Variants in ADAMTSL4 observed in about 807,000 individuals in gnomAD.
The protein encoded by ADAMTSL4 is ADAMTS-like protein 4.
ADAMTSL4 carries 97 observed loss-of-function variants against 122.8 expected under a neutral mutation model. The observed-to-expected ratio is 0.79, with a 90% CI of 0.67 to 0.93. The LOEUF is 0.93. ADAMTSL4 is among the 40% of genes least tolerant of loss of function. The pLI is 0.00. For synonymous variants in ADAMTSL4, 592 were observed against 568.0 expected (o/e 1.04, Z -0.60); for missense variants, 1,408 against 1,453.5 (o/e 0.97, Z 0.51).
Position 150,557,423 on chromosome 1 carries a change from C to A in ADAMTSL4, c.2048-71C>A. The A allele has an allele frequency of 1.9e-6, 3 of 1,609,790 alleles. No individual in the cohort carries two copies. In the Admixed American group the frequency reaches 5.0e-5, roughly 27 times the overall value. On this transcript the variant is annotated intron_variant, in intron 12 of 18. Transcript: ENST00000271643. ...CCTGGATTGTGGGGCCACGCCCGAC[C>A]CTGCGTCTGGGACACCACTGAGCTT...
In ADAMTSL4 at chr1:150,557,017, AC is replaced by A. The variant is rs1219204735; in HGVS notation, c.1832del (p.Pro611GlnfsTer13). The A allele has an allele frequency of 2.5e-6, 4 of 1,613,448 alleles. No individual in the cohort carries two copies. The highest frequency in any genetic ancestry group is 3.4e-6 in the Non-Finnish European group (4 of 1,179,870). On this transcript the variant is annotated frameshift_variant, in exon 11 of 19. Transcript: ENST00000271643. LOFTEE classifies it high-confidence loss of function. The stretch of plus-strand genomic sequence containing the variant: ...ACCTCCTCCAATCCTTGAGAACCCC[AC>A]CCCAGAGCCCCCTGTCCCCCAGCTT... ...SSPPPILENP[T>X]PEPPVPQLQP...
Position 150,558,610 on chromosome 1 carries a change from C to T in ADAMTSL4, c.2520C>T (p.Pro840=). 7 of 1,613,868 alleles carry T rather than the reference C, an allele frequency of 4.3e-6. No individual in the cohort carries two copies. The South Asian group carries it at 5.5e-5, about 13-fold the overall frequency. ...GCAGAGAGGCCTGTGACATGGGGCC[C>T]TGTACTACTGCCTGGTTCCACAGCG... ...PPSREACDMG[P]CTTAWFHSDW... The change falls in exon 15 of 19, where the codon CCC becomes CCT. Residue 840 remains proline, a synonymous_variant. Coordinates refer to ENST00000271643, the MANE Select transcript of ADAMTSL4 (RefSeq NM_019032.6).
Position 150,559,234 on chromosome 1 carries a change from G to A in ADAMTSL4, c.2764-53G>A. ...CAGTGGGATTCCTTGTGGGCACTTG[G>A]GGTGCTCTCTGTCCTCCCCTCCCCT... On this transcript the variant is annotated intron_variant, in intron 16 of 18. Transcript: ENST00000271643. This position sits in a 1 kb window ranked among gnomAD's most constrained non-coding sequence, Gnocchi z 4.1. The A allele has an allele frequency of 1.2e-6, 2 of 1,612,636 alleles. No homozygotes were observed. Among genetic ancestry groups the A allele is most frequent in the Non-Finnish European group, 1.7e-6 (2 of 1,179,398 alleles).
Position 150,556,299 on chromosome 1 carries a change from C to T in ADAMTSL4, c.1509C>T (p.Ile503=), listed in dbSNP as rs757795705. Reference sequence around the variant, plus strand: ...GGGGCCCCCTGGGCTATCAGAAGATCTTGTGGATTCCAGCGGGAGCCTTGC... The same window carrying T: ...GGGGCCCCCTGGGCTATCAGAAGATTTTGTGGATTCCAGCGGGAGCCTTGC... ...DRGGPLGYQK[I]LWIPAGALRL... The change falls in exon 9 of 19, where the codon ATC becomes ATT. Residue 503 remains isoleucine (I), a synonymous_variant. Transcript: ENST00000271643. This position sits in a 1 kb window ranked among gnomAD's most constrained non-coding sequence, Gnocchi z 4.1. 6.8e-6 allele frequency: 11 copies of T among 1,614,146 alleles called. 1 individual carries two copies. In the South Asian group the frequency reaches 1.1e-4, roughly 16 times the overall value.
In ADAMTSL4 at chr1:150,554,990, CTTTTTTT is replaced by C. The variant is rs771126937; in HGVS notation, c.1235-430_1235-424del. 7.1e-6 allele frequency among the ~76,000 whole-genome samples: 1 copy of C among 140,498 alleles called. No homozygotes were observed. The highest frequency in any genetic ancestry group is 1.6e-5 in the Non-Finnish European group (1 of 64,406). The allele number at this position is 140,498 out of a possible 152,430, so 92.2% of individuals were successfully genotyped here. A position where few individuals can be genotyped will look rare whatever the true frequency, so the allele number is the denominator to read the frequency against. ...CGGTGACCTCAACTGACCTGACCAC[CTTTTTTT>C]TTTTTTTTCTGAGACAGAGTCTCAC... On this transcript the variant is annotated intron_variant, in intron 7 of 18. Transcript: ENST00000271643. The surrounding 1 kb of genome is among the most constrained non-coding windows in gnomAD (Gnocchi z 4.0).
Position 150,555,577 on chromosome 1 carries a change from CAG to C in ADAMTSL4, c.1371+13_1371+14del, listed in dbSNP as rs1491339246. 9 of 1,611,964 alleles carry C rather than the reference CAG, an allele frequency of 5.6e-6. No individual in the cohort carries two copies. The highest frequency in any genetic ancestry group is 7.6e-6 in the Non-Finnish European group (9 of 1,179,758). On this transcript the variant is annotated intron_variant, in intron 8 of 18. Transcript: ENST00000271643. ...CTGGACGCTGTCTGGTGAGGGAAGA[CAG>C]TGTGTGTGTGCACACACACATGCAT...
At chr1:150,553,275 G>A in intron 5 of ADAMTSL4, 22 bp downstream of exon 5, 1 of 1,610,866 alleles carries the variant, frequency 6.2e-7, no homozygotes. Context: ...GGGTGGAAGA[G>A]GTGGGCCTTG....
intron 13 of ADAMTSL4, 105 bp downstream of exon 13, chr1:150,557,728 CAG>C: frequency 2.1e-6 from 3 of 1,398,568 alleles, no homozygotes; most frequent in East Asian, 2.5e-5. Context: ...CTCCTGGCTG[CAG>C]AGAGACAACA....
rs1183120397 is a variant in ADAMTSL4 at position 150,556,271 on chromosome 1, G to A, written c.1481G>A (p.Arg494Gln). 4 of 1,614,032 alleles carry A rather than the reference G, an allele frequency of 2.5e-6. No homozygotes were observed. The highest frequency in any genetic ancestry group is 2.2e-5 in the East Asian group (1 of 44,892). ...CRLVSGNLTD[R>Q]GGPLGYQKIL... Reference sequence around the variant, plus strand: ...CTTGTTTCGGGGAACCTCACTGACCGAGGGGGCCCCCTGGGCTATCAGAAG... The same window carrying A: ...CTTGTTTCGGGGAACCTCACTGACCAAGGGGGCCCCCTGGGCTATCAGAAG... The change falls in exon 9 of 19, where the codon CGA becomes CAA. Residue 494 changes from arginine (R) to glutamine (Q), a missense_variant. Arg to Gln is a conservative substitution (Grantham distance 43). Coordinates refer to ENST00000271643, the MANE Select transcript of ADAMTSL4 (RefSeq NM_019032.6). This position sits in a 1 kb window ranked among gnomAD's most constrained non-coding sequence, Gnocchi z 4.1.
In ADAMTSL4 at chr1:150,556,421, C is replaced by T; in HGVS notation, c.1576+55C>T. 2 of 1,605,658 alleles carry T rather than the reference C, an allele frequency of 1.2e-6. No individual in the cohort carries two copies. The highest frequency in any genetic ancestry group is 1.7e-6 in the Non-Finnish European group (2 of 1,174,780). Reference sequence around the variant, plus strand: ...TCCGTCTCTGTTCGGCCCTCCATACCCCTACTCAGAGCAGTGAGCAAGCCA... The same window carrying T: ...TCCGTCTCTGTTCGGCCCTCCATACTCCTACTCAGAGCAGTGAGCAAGCCA... On this transcript the variant is annotated intron_variant, in intron 9 of 18. Transcript: ENST00000271643. This position sits in a 1 kb window ranked among gnomAD's most constrained non-coding sequence, Gnocchi z 4.1.
rs1029739052 is a variant in ADAMTSL4 at position 150,557,510 on chromosome 1, T to C, written c.2064T>C (p.Ile688=). ...ASCGKGVWRP[I]FLCISRESGE... is the part of the protein sequence containing the mutation. ...CCCACTCAGGTGTCTGGCGCCCCAT[T>C]TTCCTCTGCATCTCCCGTGAGTCGG... The change falls in exon 13 of 19, where the codon ATT becomes ATC. Residue 688 remains isoleucine, a synonymous_variant. Transcript: ENST00000271643. 6.2e-7 allele frequency: 1 copy of C among 1,612,984 alleles called. No homozygotes were observed. Among genetic ancestry groups the C allele is most frequent in the Admixed American group, 1.7e-5 (1 of 59,992 alleles).
intron 14 of ADAMTSL4, 136 bp from the exon 15 acceptor site, chr1:150,558,337 C>T: frequency 7.8e-6 from 12 of 1,530,174 alleles, no homozygotes; most frequent in Non-Finnish European, 1.1e-5. Flanking sequence ...AGGGCTCAGC[C>T]TCCTCCTCAG....
intron 7 of ADAMTSL4, 63 bp from the exon 8 acceptor site, chr1:150,555,366 G>A: frequency 6.2e-7 from 1 of 1,606,080 alleles, no homozygotes; most frequent in African/African-American, 1.3e-5. Flanking sequence ...CCCCCTCTGG[G>A]GCCTCTCTCA....
At chr1:150,550,264 G>A (rs1671257958) in intron 2 of ADAMTSL4, 1 of 455,308 alleles carries the variant, frequency 2.2e-6, no homozygotes, top group Non-Finnish European at 4.4e-6. Context: ...CCAAATGAGG[G>A]ACATGGAAAG....
rs1342460585 is a variant in ADAMTSL4 at position 150,554,656 on chromosome 1, C to T, written c.1234+189C>T. The T allele has an allele frequency of 1.4e-5, 22 of 1,536,610 alleles. No individual in the cohort carries two copies. The highest frequency in any genetic ancestry group is 4.1e-5 in the African/African-American group (3 of 72,890). Reference sequence around the variant, plus strand: ...GGTGGTGAGTGGTCTGCAGAAGGGTCGGGGTGGGAGGAGGAGGTGTGGGAG... The same window carrying T: ...GGTGGTGAGTGGTCTGCAGAAGGGTTGGGGTGGGAGGAGGAGGTGTGGGAG... On this transcript the variant is annotated intron_variant, in intron 7 of 18. Coordinates refer to ENST00000271643, the MANE Select transcript of ADAMTSL4 (RefSeq NM_019032.6). This position sits in a 1 kb window ranked among gnomAD's most constrained non-coding sequence, Gnocchi z 4.0.
In ADAMTSL4 at chr1:150,558,997, C is replaced by G; in HGVS notation, c.2595C>G (p.Arg865=). The part of the protein sequence containing the change: ...SAECGTGIQR[R]SVVCLGSGAA... ...AGTGTGGGACGGGAATCCAGCGGCG[C>G]TCTGTGGTCTGCCTTGGGAGTGGGG... The change falls in exon 16 of 19, where the codon CGC becomes CGG. Residue 865 remains arginine, a synonymous_variant. Transcript: ENST00000271643. The G allele has an allele frequency of 6.2e-7, 1 of 1,611,408 alleles. No homozygotes were observed. The highest frequency in any genetic ancestry group is 8.5e-7 in the Non-Finnish European group (1 of 1,179,674).
chr1:150,560,576 G>T lies in ADAMTSL4; in HGVS notation c.*380G>T. The T allele has an allele frequency of 3.5e-6, 1 of 281,776 alleles. No individual in the cohort carries two copies. Among genetic ancestry groups the T allele is most frequent in the Non-Finnish European group, 7.0e-6 (1 of 143,856 alleles). 17.5% of individuals were successfully genotyped at this position (281,776 alleles called of 1,614,324 possible). A position where few individuals can be genotyped will look rare whatever the true frequency, so the allele number is the denominator to read the frequency against. ...TGCTAATCTGAGCTACTTAGAGTGT[G>T]GTCTCCCCACCAACTCCAGTTTTGT... On this transcript the variant is annotated 3_prime_UTR_variant, in exon 19 of 19. Transcript: ENST00000271643.
At chr1:150,555,665 GCACACATGCAAGCACATA>G in intron 8 of ADAMTSL4, 100 bp downstream of exon 8, 2 of 1,534,116 alleles carry the variant, frequency 1.3e-6, no homozygotes, top group South Asian at 1.2e-5. Flanking sequence ...ATGAACACAT[GCACACATGCAAGCACATA>G]CACACACGCA....
rs1425658656 is a variant in ADAMTSL4, at chr1:150,559,723, C to G, written c.2944-38C>G. 6.2e-7 allele frequency: 1 copy of G among 1,613,528 alleles called. No individual in the cohort carries two copies. The highest frequency in any genetic ancestry group is 8.5e-7 in the Non-Finnish European group (1 of 1,179,928). On this transcript the variant is annotated intron_variant, in intron 17 of 18. Transcript: ENST00000271643. This position sits in a 1 kb window ranked among gnomAD's most constrained non-coding sequence, Gnocchi z 4.1. Reference sequence around the variant, plus strand: ...CCAGGGGTTAAGGAGAATCCCGGGCCTGGCAAAGGTCTGATATGATGGCTG... The same window carrying G: ...CCAGGGGTTAAGGAGAATCCCGGGCGTGGCAAAGGTCTGATATGATGGCTG...
Sources: allele counts gnomAD v4.1 joint callset (sites outside exome capture counted in the v4.1 genomes callset), GRCh38; gene constraint gnomAD v4.1.1; non-coding constraint Gnocchi (gnomAD v3.1); transcripts MANE v1.5; gene names NCBI Gene and HGNC (gene_info 2026-07-23, HGNC 2026-07-21).